Variants in STIM1 observed in about 807,000 individuals in gnomAD.
The protein encoded by STIM1 is stromal interaction molecule 1.
A neutral mutation model predicts 74.7 loss-of-function variants in STIM1; 25 were observed. The ratio of observed to expected loss-of-function variants is 0.33; its 90% CI spans 0.24 to 0.47. STIM1 has a LOEUF of 0.47. Ranked by LOEUF, STIM1 falls within the 20% of genes least tolerant of loss-of-function variation. STIM1 has a pLI of 1.00. For synonymous variants in STIM1, 328 were observed against 348.8 expected, an observed-to-expected ratio of 0.94 and a Z score of 0.66; for missense variants, 728 against 920.8, an observed-to-expected ratio of 0.79 and a Z score of 2.71.
Position 4,086,500 on chromosome 11 carries a change from C to G in STIM1, c.1591C>G (p.Arg531Gly). ...AGCCCCTAGCCTGCAGAGCAGTGTT[C>G]GGCAGCGCCTGACGGAGCCACAGCA... is the stretch of plus-strand genomic sequence containing the variant. ...YPAPSLQSSVRQRLTEPQHGL... is the reference protein window; with the variant it reads ...YPAPSLQSSVGQRLTEPQHGL... Residue 531 changes from arginine to glycine, a missense_variant, in exon 12 of 13, where the codon CGG becomes GGG. By Grantham distance (125) the Arg-to-Gly change is moderately radical (BLOSUM62 -2). Transcript: ENST00000526596. 6.2e-7 allele frequency: 1 copy of G among 1,614,098 alleles called. No homozygotes were observed. The highest frequency in any genetic ancestry group is 8.5e-7 in the Non-Finnish European group (1 of 1,180,012).
At chr11:3,950,180 C>G (rs904036339) in intron 1 of STIM1, among the ~76,000 whole-genome samples, 14 of 148,516 alleles carry the variant, frequency 9.4e-5, no homozygotes, top group African/African-American at 3.5e-4. Flanking sequence ...GTTGCCCAGG[C>G]TGGAGTGGAG....
In STIM1 at chr11:3,901,012, G is replaced by A. The variant is rs180778699; in HGVS notation, c.139+44603G>A. ...TCAAGACTAGCCTGGCCAACATGGC[G>A]AAACCCTGTCTCTATTAAAAATACA... On this transcript the variant is annotated intron_variant, in intron 1 of 12. Transcript: ENST00000526596. Among the ~76,000 whole-genome samples, 1,203 of 152,304 alleles carry A rather than the reference G, an allele frequency of 7.9e-3. 13 individuals are homozygous for A. The highest frequency in any genetic ancestry group is 0.028 in the African/African-American group (1,151 of 41,566).
At chr11:4,038,736 G>T (rs760950623) in intron 3 of STIM1, among the ~76,000 whole-genome samples, 2 of 152,150 alleles carry the variant, frequency 1.3e-5, no homozygotes, top group South Asian at 2.1e-4. Context: ...TGCTTGGGCC[G>T]TTGTTCTTCA....
chr11:4,054,061 T>TAA (rs2094268003), intron 3 of STIM1, among the ~76,000 whole-genome samples: 1 of 152,244 alleles, frequency 6.6e-6, no homozygotes, highest in Non-Finnish European at 1.5e-5. Context: ...ACTGAATTCT[T>TAA]AATTTATTTA....
At chr11:3,940,287 T>G (rs1453991887) in intron 1 of STIM1, among the ~76,000 whole-genome samples, 1 of 152,086 alleles carries the variant, frequency 6.6e-6, no homozygotes, top group African/African-American at 2.4e-5. Context: ...TCACTCAGGG[T>G]CCAGTTGGGG....
intron 2 of STIM1, among the ~76,000 whole-genome samples, chr11:3,976,582 C>T (rs1190367682): frequency 6.6e-6 from 1 of 152,178 alleles, no homozygotes; most frequent in Non-Finnish European, 1.5e-5. Context: ...GTACCTGACA[C>T]GTAATTCAAG....
At chr11:3,898,927 T>C (rs1384827501) in intron 1 of STIM1, among the ~76,000 whole-genome samples, 1 of 151,970 alleles carries the variant, frequency 6.6e-6, no homozygotes, top group Non-Finnish European at 1.5e-5. Flanking sequence ...AGCTTTGTAG[T>C]ATAGTTTGAA....
chr11:4,047,392 G>T (rs895715055), intron 3 of STIM1, among the ~76,000 whole-genome samples: 1 of 152,080 alleles, frequency 6.6e-6, no homozygotes, highest in East Asian at 1.9e-4. Flanking sequence ...AAGGTGGGAG[G>T]ATCACTTGAG....
At chr11:3,945,360 T>G (rs1290114914) in intron 1 of STIM1, among the ~76,000 whole-genome samples, 1 of 152,016 alleles carries the variant, frequency 6.6e-6, no homozygotes, top group African/African-American at 2.4e-5. Flanking sequence ...GTGGATCACC[T>G]GCGGTCAAGA....
rs145136493 is a variant in STIM1 at position 3,970,074 on chromosome 11, C to CTT, written c.270+2407_270+2408dup. 1.4e-3 allele frequency among the ~76,000 whole-genome samples: 193 copies of CTT among 139,058 alleles called. 5 individuals carry two copies. The highest frequency in any genetic ancestry group is 5.9e-3 in the South Asian group (26 of 4,422). The allele number at this position is 139,058 out of a possible 152,430, so 91.2% of individuals were successfully genotyped here. On this transcript the variant is annotated intron_variant, in intron 2 of 12. Transcript: ENST00000526596. ...ATATCTTTGTTATATGCTCCTCATC[C>CTT]TTTTTTTTTTTTTTTTGTTACATCC... is the stretch of plus-strand genomic sequence containing the variant.
At chr11:3,986,955 T>A (rs992115753) in intron 2 of STIM1, among the ~76,000 whole-genome samples, 1 of 152,178 alleles carries the variant, frequency 6.6e-6, no homozygotes, top group African/African-American at 2.4e-5. Context: ...ACCTCAGCAG[T>A]TTGGCACTGG....
chr11:4,039,425 A>G (rs1019444350), intron 3 of STIM1, among the ~76,000 whole-genome samples: 1 of 151,796 alleles, frequency 6.6e-6, no homozygotes. Context: ...CGTCTCTACT[A>G]AAAATACAAA....
intron 2 of STIM1, among the ~76,000 whole-genome samples, chr11:4,021,659 A>G (rs578260251): frequency 8.5e-5 from 13 of 152,222 alleles, no homozygotes; most frequent in African/African-American, 3.1e-4. Context: ...GGCTTTGGCT[A>G]TTCAGGTTTC....
At chr11:4,071,324 C>T (rs75709401) in intron 6 of STIM1, among the ~76,000 whole-genome samples, 2 of 151,864 alleles carry the variant, frequency 1.3e-5, no homozygotes, top group African/African-American at 4.8e-5. Context: ...GAAATGAAGT[C>T]TTGTCTTTTC....
At chr11:3,920,129 T>G (rs75912634) in intron 1 of STIM1, among the ~76,000 whole-genome samples, 1 of 4,672 alleles carries the variant, frequency 2.1e-4, no homozygotes, top group Admixed American at 7.1e-3. Context: ...AAGTGTACAA[T>G]TTTTTTTTTT....
chr11:4,019,538 C>A (rs2959061), intron 2 of STIM1, among the ~76,000 whole-genome samples: 1 of 151,598 alleles, frequency 6.6e-6, no homozygotes, highest in Non-Finnish European at 1.5e-5. Context: ...AGCTCGGTAC[C>A]GTGGTGCACA....
chr11:3,902,569 T>G (rs2092376835), intron 1 of STIM1, among the ~76,000 whole-genome samples: 1 of 152,220 alleles, frequency 6.6e-6, no homozygotes, highest in Non-Finnish European at 1.5e-5. Flanking sequence ...TGTGAGAACC[T>G]AATGCTGCCA....
intron 1 of STIM1, among the ~76,000 whole-genome samples, chr11:3,915,686 C>T (rs765935511): frequency 1.4e-4 from 22 of 152,228 alleles, no homozygotes; most frequent in Non-Finnish European, 2.6e-4. Flanking sequence ...CATGAGCCAC[C>T]GTGCCCGGCC....
chr11:4,046,908 C>T (rs2133035010), intron 3 of STIM1, among the ~76,000 whole-genome samples: 1 of 152,218 alleles, frequency 6.6e-6, no homozygotes, highest in Non-Finnish European at 1.5e-5. Flanking sequence ...CTGCCTCAGC[C>T]TCCCAAAGTG....
Sources: gnomAD v4.1 joint callset for allele counts (sites outside exome capture counted in the v4.1 genomes callset) on GRCh38, gnomAD v4.1.1 for gene constraint, MANE v1.5 for transcripts, NCBI Gene and HGNC (gene_info 2026-07-23, HGNC 2026-07-21) for gene names.